PANX1: variants seen among roughly 807,000 people sequenced by gnomAD.
PANX1 encodes the protein pannexin-1.
Under a neutral mutation model 38.7 loss-of-function variants are expected in PANX1, and 30 were observed. That is an observed-to-expected ratio of 0.78 (90% CI 0.58 to 1.05). The LOEUF (loss-of-function observed/expected upper bound fraction) is 1.05, where lower values mean the gene tolerates loss of function less well. Among genes scored for constraint, PANX1 ranks in the 50% least tolerant of loss-of-function variants. PANX1 has a pLI of 0.00. For missense variants in PANX1, 551 were observed against 517.2 expected, an observed-to-expected ratio of 1.07 and a Z score of -0.63; for synonymous variants, 230 against 212.2, an observed-to-expected ratio of 1.08 and a Z score of -0.73.
At position 94,148,184 on chromosome 11, in the gene PANX1, C is replaced by T. The variant is rs371777085; in HGVS notation, c.182-5307C>T. Reference sequence around the variant, plus strand: ...AGTTCCCACAGAAGAAAAGTGAAGGCAGTAATGGACAATTTGGGACATCCA... The same window carrying T: ...AGTTCCCACAGAAGAAAAGTGAAGGTAGTAATGGACAATTTGGGACATCCA... On this transcript the variant is annotated intron_variant, in intron 1 of 4. Transcript: ENST00000227638. Among the ~76,000 whole-genome samples, 11 of 152,228 alleles carry T rather than the reference C, an allele frequency of 7.2e-5. No homozygotes were observed. In the South Asian group the frequency reaches 2.1e-3, roughly 29 times the overall value.
intron 2 of PANX1, among the ~76,000 whole-genome samples, chr11:94,167,362 G>GC (rs1947114434): frequency 6.6e-6 from 1 of 152,074 alleles, no homozygotes; most frequent in Non-Finnish European, 1.5e-5. Flanking sequence ...GTGCTTTCTT[G>GC]CATGGATACT....
Position 94,179,745 on chromosome 11 carries a change from A to G in PANX1, c.689A>G (p.Tyr230Cys), listed in dbSNP as rs1367306959. Residue 230 changes from tyrosine to cysteine, a missense_variant, in exon 4 of 5, where the codon TAC becomes TGC. Tyr to Cys is a radical substitution (Grantham distance 194). Coordinates refer to ENST00000227638, the MANE Select transcript of PANX1 (RefSeq NM_015368.4). ...TLIIILLACI[Y>C]LGYYFSLSSL... ...ATCATTATACTGTTAGCGTGTATCT[A>G]CCTGGGCTATTACTTCAGCCTCTCC... 1.1e-5 allele frequency: 18 copies of G among 1,613,950 alleles called. No homozygotes were observed. Among genetic ancestry groups the G allele is most frequent in the Non-Finnish European group, 1.5e-5 (18 of 1,180,000 alleles).
intron 2 of PANX1, among the ~76,000 whole-genome samples, chr11:94,163,934 G>T (rs1426810063): frequency 2.6e-5 from 4 of 152,046 alleles, no homozygotes; most frequent in African/African-American, 9.7e-5. Context: ...TTCAGGTTTT[G>T]TATTTCTTCA....
intron 1 of PANX1, among the ~76,000 whole-genome samples, chr11:94,143,845 C>A (rs368143660): frequency 8.2e-4 from 124 of 151,932 alleles, no homozygotes; most frequent in African/African-American, 2.9e-3. Context: ...ACCTCTGGGG[C>A]TCAAGTGATC....
intron 2 of PANX1, among the ~76,000 whole-genome samples, chr11:94,174,320 T>G (rs1947204441): frequency 6.6e-6 from 1 of 151,408 alleles, no homozygotes; most frequent in African/African-American, 2.5e-5. Flanking sequence ...ACAGGCTTGT[T>G]CATTTACCTT....
chr11:94,156,087 T>C (rs993410822), intron 2 of PANX1, among the ~76,000 whole-genome samples: 2 of 152,122 alleles, frequency 1.3e-5, no homozygotes, highest in African/African-American at 4.8e-5. Context: ...GCAGGGGTGT[T>C]AGTAATTATT....
Position 94,162,331 on chromosome 11 carries a change from G to C in PANX1, c.321+8701G>C, listed in dbSNP as rs545507927. Reference sequence around the variant, plus strand: ...TGTCCCCAGAGGTGGAGTCTACAGAGGCAGGCAGGCCTCCTTGAGCTGTGG... The same window carrying C: ...TGTCCCCAGAGGTGGAGTCTACAGACGCAGGCAGGCCTCCTTGAGCTGTGG... On this transcript the variant is annotated intron_variant, in intron 2 of 4. Transcript: ENST00000227638. Among the ~76,000 whole-genome samples, 6 of 152,310 alleles carry C rather than the reference G, an allele frequency of 3.9e-5. No individual in the cohort carries two copies. In the East Asian group the frequency reaches 1.2e-3, roughly 29 times the overall value.
At chr11:94,165,676 C>T (rs1947095053) in intron 2 of PANX1, among the ~76,000 whole-genome samples, 2 of 152,014 alleles carry the variant, frequency 1.3e-5, no homozygotes, top group Admixed American at 6.5e-5. Context: ...TTTGGGAGGC[C>T]AAGGCAGGCA....
At chr11:94,160,008 G>A (rs183664333) in intron 2 of PANX1, among the ~76,000 whole-genome samples, 1 of 152,052 alleles carries the variant, frequency 6.6e-6, no homozygotes, top group African/African-American at 2.4e-5. Flanking sequence ...TCAGGAGCAG[G>A]TTGTTCAGTT....
chr11:94,139,923 T>A (rs1452169778), intron 1 of PANX1, among the ~76,000 whole-genome samples: 1 of 152,246 alleles, frequency 6.6e-6, no homozygotes, highest in Admixed American at 6.5e-5. Flanking sequence ...TGCCTTAGTT[T>A]GTAAGTCACT....
At chr11:94,172,594 G>A (rs572062522) in intron 2 of PANX1, among the ~76,000 whole-genome samples, 15 of 151,850 alleles carry the variant, frequency 9.9e-5, no homozygotes, top group African/African-American at 3.6e-4. Context: ...CACATTATCT[G>A]TGGCTGCTTT....
chr11:94,136,556 G>A (rs1184231344), intron 1 of PANX1, among the ~76,000 whole-genome samples: 3 of 152,052 alleles, frequency 2.0e-5, no homozygotes, highest in Non-Finnish European at 4.4e-5. Context: ...CGACGTGGGC[G>A]GATCACGAGG....
intron 1 of PANX1, among the ~76,000 whole-genome samples, chr11:94,134,316 A>G (rs1193252209): frequency 3.9e-5 from 6 of 152,104 alleles, no homozygotes; most frequent in Admixed American, 3.3e-4. Context: ...AGTGCTGCAC[A>G]TTTCATTGAT....
chr11:94,144,524 G>A (rs759937158), intron 1 of PANX1, among the ~76,000 whole-genome samples: 9 of 152,130 alleles, frequency 5.9e-5, no homozygotes, highest in Non-Finnish European at 7.4e-5. Context: ...TCTGGGTGGG[G>A]TTCTCACACT....
chr11:94,155,861 C>T (rs1490605195), intron 2 of PANX1, among the ~76,000 whole-genome samples: 4 of 152,138 alleles, frequency 2.6e-5, no homozygotes, highest in African/African-American at 4.8e-5. Context: ...GGTGGGTTCT[C>T]GTCAGCTTTG....
intron 1 of PANX1, among the ~76,000 whole-genome samples, chr11:94,140,321 G>A (rs1173970941): frequency 6.6e-6 from 1 of 152,204 alleles, no homozygotes; most frequent in East Asian, 1.9e-4. Flanking sequence ...ATATGTCGAA[G>A]TTCAGACAGT....
intron 2 of PANX1, among the ~76,000 whole-genome samples, chr11:94,176,786 A>G (rs992863632): frequency 6.6e-6 from 1 of 151,698 alleles, no homozygotes; most frequent in Non-Finnish European, 1.5e-5. Flanking sequence ...TAGATTGGAA[A>G]AAGATGTCTC....
chr11:94,176,906 T>G (rs1341081618), intron 2 of PANX1, among the ~76,000 whole-genome samples: 1 of 151,698 alleles, frequency 6.6e-6, no homozygotes. Context: ...TGGAGCCATC[T>G]ATAGAGTCCC....
Position 94,180,935 on chromosome 11 carries a change from C to A in PANX1, c.*66C>A. ...CATGGGATTTAATTTGGCTAAAGCA[C>A]CCCTGTTGGTTTCACAGCTGGTTTG... On this transcript the variant is annotated 3_prime_UTR_variant, in exon 5 of 5. Coordinates refer to ENST00000227638, the MANE Select transcript of PANX1 (RefSeq NM_015368.4). 1 of 919,420 alleles carries A rather than the reference C, an allele frequency of 1.1e-6. No individual in the cohort carries two copies. Among genetic ancestry groups the A allele is most frequent in the Non-Finnish European group, 1.8e-6 (1 of 550,092 alleles). 57.0% of individuals were successfully genotyped at this position (919,420 alleles called of 1,614,324 possible).
Sources: gnomAD v4.1 joint callset for allele counts (sites outside exome capture counted in the v4.1 genomes callset) on GRCh38, gnomAD v4.1.1 for gene constraint, MANE v1.5 for transcripts, NCBI Gene and HGNC (gene_info 2026-07-23, HGNC 2026-07-21) for gene names.